The following KANSL2 variants were observed in gnomAD, a reference collection of about 807,000 sequenced individuals.
KANSL2 encodes the protein KAT8 regulatory NSL complex subunit 2, also known as NSL complex protein NSL2.
KANSL2 carries 34 observed loss-of-function variants against 55.6 expected under a neutral mutation model. The ratio of observed to expected loss-of-function variants is 0.61; its 90% CI spans 0.46 to 0.81. The LOEUF is 0.81. Among genes scored for constraint, KANSL2 ranks in the 40% least tolerant of loss-of-function variants. KANSL2 has a pLI of 0.00. For missense variants in KANSL2, 502 were observed against 609.9 expected, an observed-to-expected ratio of 0.82 and a Z score of 1.86; for synonymous variants, 209 against 214.3, an observed-to-expected ratio of 0.98 and a Z score of 0.22.
At chr12:48,668,492 G>T (rs1026847417) in intron 6 of KANSL2, among the ~76,000 whole-genome samples, 4 of 152,140 alleles carry the variant, frequency 2.6e-5, no homozygotes, top group Admixed American at 6.5e-5. Context: ...TGGACATAGG[G>T]AGTTCAAGAC....
intron 6 of KANSL2, among the ~76,000 whole-genome samples, 154 bp downstream of exon 6, chr12:48,668,952 C>A (rs1939654078): frequency 6.6e-6 from 1 of 152,110 alleles, no homozygotes; most frequent in Non-Finnish European, 1.5e-5. Flanking sequence ...AGGAGAATTG[C>A]TTGAAACTGG....
intron 4 of KANSL2, among the ~76,000 whole-genome samples, chr12:48,673,169 A>C (rs907644653): frequency 1.3e-5 from 2 of 152,206 alleles, no homozygotes; most frequent in Admixed American, 6.5e-5. Context: ...TCTTGACAAT[A>C]TTCTCAAAAT....
At chr12:48,660,245 G>A (rs1236789493) in intron 8 of KANSL2, 121 bp downstream of exon 8, 7 of 903,010 alleles carry the variant, frequency 7.8e-6, no homozygotes, top group East Asian at 5.2e-5. Flanking sequence ...ACAACTATAC[G>A]TATATATCAC....
chr12:48,654,867 G>C, intron 9 of KANSL2, 74 bp downstream of exon 9: 1 of 1,472,328 alleles, frequency 6.8e-7, no homozygotes, highest in Non-Finnish European at 9.2e-7. Flanking sequence ...AGGAGCACAT[G>C]CTATCTAGCA....
At chr12:48,682,032 G>A (rs748648328) in intron 1 of KANSL2, 155 bp downstream of exon 1, 1 of 703,010 alleles carries the variant, frequency 1.4e-6, no homozygotes, top group South Asian at 1.5e-5. Context: ...TTGTCCTACG[G>A]CTCCAGTCAC....
At chr12:48,679,330 G>A (rs533045756) in intron 3 of KANSL2, 180 bp from the exon 4 acceptor site, 1 of 669,224 alleles carries the variant, frequency 1.5e-6, no homozygotes, top group Non-Finnish European at 2.7e-6. Context: ...ACCCAAGTAA[G>A]ATTACTTACA....
At chr12:48,680,381 G>C (rs1409207055) in intron 2 of KANSL2, among the ~76,000 whole-genome samples, 2 of 151,964 alleles carry the variant, frequency 1.3e-5, no homozygotes, top group Non-Finnish European at 1.5e-5. Flanking sequence ...CTGTAGAGAC[G>C]GGGTCTCACT....
chr12:48,660,998 C>G (rs1213301783), intron 7 of KANSL2, among the ~76,000 whole-genome samples: 1 of 152,146 alleles, frequency 6.6e-6, no homozygotes, highest in Non-Finnish European at 1.5e-5. Context: ...CCCTAAACAG[C>G]CCTTCCAAAA....
intron 7 of KANSL2, among the ~76,000 whole-genome samples, chr12:48,660,992 A>AT (rs1271679592): frequency 6.6e-6 from 1 of 152,180 alleles, no homozygotes; most frequent in African/African-American, 2.4e-5. Flanking sequence ...AAATGCCCCT[A>AT]AACAGCCCTT....
In KANSL2 at chr12:48,681,459, G is replaced by A; in HGVS notation, c.174C>T (p.Phe58=). Residue 58 remains phenylalanine, a synonymous_variant, in exon 2 of 10, where the codon TTC becomes TTT. Coordinates refer to ENST00000420613, the MANE Select transcript of KANSL2 (RefSeq NM_017822.4). The stretch of plus-strand genomic sequence containing the variant: ...TCGTCGATATATAACTACACTGCTT[G>A]AAGGGTGCATTCTTGTCTTCAAGGA... ...KHILEDKNAP[F]KQCSYISTKN... The A allele has an allele frequency of 6.2e-7, 1 of 1,613,916 alleles. No individual in the cohort carries two copies. The highest frequency in any genetic ancestry group is 1.3e-5 in the African/African-American group (1 of 75,016).
At chr12:48,672,433 A>ATATATATATATATTTTTTTTTT (rs371918890) in intron 4 of KANSL2, among the ~76,000 whole-genome samples, 1 of 120,380 alleles carries the variant, frequency 8.3e-6, no homozygotes, top group African/African-American at 3.6e-5. Flanking sequence ...ATATATATAT[A>ATATATATATATATTTTTTTTTT]TTTTTTTTTT....
intron 7 of KANSL2, chr12:48,661,276 C>A (rs1939482715): frequency 1.2e-6 from 1 of 862,770 alleles, no homozygotes. Flanking sequence ...TGTATGAAGG[C>A]CCATTGAAAA....
chr12:48,671,850 C>A lies in KANSL2; in HGVS notation c.658G>T (p.Glu220Ter). The A allele has an allele frequency of 6.2e-7, 1 of 1,613,406 alleles. No homozygotes were observed. Among genetic ancestry groups the A allele is most frequent in the South Asian group, 1.1e-5 (1 of 90,972 alleles). ...TTATGTAAGTATCGGCGCTTCTTCT[C>A]CTTGAGCAGATGCTGAAGTCGTTTA... is the stretch of plus-strand genomic sequence containing the variant. ...QFKRLQHLLK[E>*]KKRRYLHNRK... The change falls in exon 5 of 10, where the codon GAG becomes TAG. Residue 220 changes from glutamate (E) to a stop codon, truncating the protein, a stop_gained. Transcript: ENST00000420613. LOFTEE classifies it high-confidence loss of function.
chr12:48,657,305 GT>G (rs888917776), intron 8 of KANSL2, among the ~76,000 whole-genome samples: 7 of 152,054 alleles, frequency 4.6e-5, no homozygotes, highest in Non-Finnish European at 1.0e-4. Flanking sequence ...CATACCTGTA[GT>G]CCCAGCTACT....
intron 2 of KANSL2, among the ~76,000 whole-genome samples, chr12:48,680,582 C>T (rs1274775580): frequency 1.3e-5 from 2 of 152,142 alleles, no homozygotes; most frequent in African/African-American, 2.4e-5. Flanking sequence ...ATGATGAAAA[C>T]TATGAAGCCT....
chr12:48,655,001 A>G lies in KANSL2; in HGVS notation c.1287T>C (p.Pro429=). ...CTAAATGATCTTCAAGGGTTAGTGAAGGATCAAAAAGCAAAGGTGAAGGAG... is the reference window on the plus strand; with the variant it reads ...CTAAATGATCTTCAAGGGTTAGTGAGGGATCAAAAAGCAAAGGTGAAGGAG... The part of the protein sequence containing the change: ...QCPPSPLLFD[P]SLTLEDHLVK... The change falls in exon 9 of 10, where the codon CCT becomes CCC. Residue 429 remains proline (P), a synonymous_variant. Coordinates refer to ENST00000420613, the MANE Select transcript of KANSL2 (RefSeq NM_017822.4). 1 of 1,587,210 alleles carries G rather than the reference A, an allele frequency of 6.3e-7. No individual in the cohort carries two copies. The highest frequency in any genetic ancestry group is 1.3e-5 in the African/African-American group (1 of 74,600).
Position 48,682,237 on chromosome 12 carries a change from G to T in KANSL2, c.-60C>A. 1.6e-6 allele frequency: 1 copy of T among 623,672 alleles called. No individual in the cohort carries two copies. Among genetic ancestry groups the T allele is most frequent in the Non-Finnish European group, 2.9e-6 (1 of 348,630 alleles). The allele number at this position is 623,672 out of a possible 1,614,324, so 38.6% of individuals were successfully genotyped here. ...CTGCCGCGCCGCTCGCCCTTCTCTA[G>T]TGGCGCCAGCGGCTCTCAGATCGGC... On this transcript the variant is annotated 5_prime_UTR_variant, in exon 1 of 10. Transcript: ENST00000420613.
At chr12:48,681,674 T>G in intron 1 of KANSL2, 33 bp from the exon 2 acceptor site, 1 of 1,613,490 alleles carries the variant, frequency 6.2e-7, no homozygotes, top group East Asian at 2.2e-5. Context: ...AAAAAGCCCT[T>G]ACCCTTCCCG....
intron 7 of KANSL2, chr12:48,662,605 T>C (rs1256317704): frequency 1.6e-6 from 2 of 1,287,910 alleles, no homozygotes; most frequent in Non-Finnish European, 2.0e-6. Context: ...CTGTCTCCAT[T>C]AGACCACAGT....
Sources: allele counts gnomAD v4.1 joint callset (sites outside exome capture counted in the v4.1 genomes callset), GRCh38; gene constraint gnomAD v4.1.1; transcripts MANE v1.5; gene names NCBI Gene and HGNC (gene_info 2026-07-23, HGNC 2026-07-21).